SUPT3H: variants seen among roughly 807,000 people sequenced by gnomAD.
SUPT3H encodes the protein transcription initiation protein SPT3 homolog.
SUPT3H carries 44 observed loss-of-function variants against 44.3 expected under a neutral mutation model. The ratio of observed to expected loss-of-function variants is 0.99; its 90% confidence interval spans 0.78 to 1.28. The LOEUF (loss-of-function observed/expected upper bound fraction) is 1.28, where lower values mean the gene tolerates loss of function less well. Ranked by LOEUF, SUPT3H falls within the 50% of genes most tolerant of loss-of-function variation. The pLI, the probability that SUPT3H is intolerant of heterozygous loss-of-function variation, is 0.00. For synonymous variants in SUPT3H, 124 were observed against 125.6 expected, an observed-to-expected ratio of 0.99 and a Z score of 0.09; for missense variants, 380 against 387.1, an observed-to-expected ratio of 0.98 and a Z score of 0.15.
At chr6:45,251,277 G>A (rs774393363) in intron 2 of SUPT3H, 3 of 151,844 alleles carry the variant, frequency 2.0e-5, no homozygotes, top group African/African-American at 4.8e-5. Context: ...CATTATTCTC[G>A]GCTTTAGAAT....
intron 3 of SUPT3H, among the ~76,000 whole-genome samples, chr6:45,055,595 G>T (rs1790988378): frequency 6.6e-6 from 1 of 152,138 alleles, no homozygotes; most frequent in Non-Finnish European, 1.5e-5. Flanking sequence ...TCAACAAATG[G>T]TGCTGGGATA....
intron 2 of SUPT3H, among the ~76,000 whole-genome samples, chr6:45,285,417 G>A (rs1393021098): frequency 7.9e-5 from 12 of 152,220 alleles, no homozygotes; most frequent in East Asian, 1.9e-4. Flanking sequence ...AAATCAATGT[G>A]CAAAAATCAC....
At chr6:45,126,759 T>C (rs1802491176) in intron 2 of SUPT3H, among the ~76,000 whole-genome samples, 1 of 152,150 alleles carries the variant, frequency 6.6e-6, no homozygotes, top group Admixed American at 6.5e-5. Context: ...CAGGATAAAA[T>C]AGGTACTGTA....
At chr6:45,176,643 C>G (rs1178177880) in intron 2 of SUPT3H, among the ~76,000 whole-genome samples, 28 of 150,306 alleles carry the variant, frequency 1.9e-4, no homozygotes, top group South Asian at 1.5e-3. Flanking sequence ...AACAAAAAGA[C>G]AGCAGTAACC....
intron 10 of SUPT3H, among the ~76,000 whole-genome samples, chr6:44,877,102 T>C (rs1777434591): frequency 6.6e-6 from 1 of 152,206 alleles, no homozygotes; most frequent in Non-Finnish European, 1.5e-5. Context: ...TCTTTACTCC[T>C]TACAATATGC....
chr6:44,939,027 ACTT>A (rs1310108450), intron 9 of SUPT3H, among the ~76,000 whole-genome samples: 1 of 152,086 alleles, frequency 6.6e-6, no homozygotes, highest in South Asian at 2.1e-4. Context: ...GAATAATTTT[ACTT>A]CTTCTTTTCC....
At chr6:44,848,818 G>A (rs987932057) in intron 10 of SUPT3H, among the ~76,000 whole-genome samples, 3 of 152,136 alleles carry the variant, frequency 2.0e-5, no homozygotes, top group African/African-American at 7.2e-5. Flanking sequence ...TCTAAATTTC[G>A]TGGTTCAATG....
intron 2 of SUPT3H, among the ~76,000 whole-genome samples, chr6:45,230,682 A>ATTTTTT (rs201123504): frequency 5.4e-5 from 6 of 110,854 alleles, no homozygotes; most frequent in African/African-American, 2.2e-4. Flanking sequence ...ATATATATAT[A>ATTTTTT]TATATTTTTG....
chr6:45,088,185 T>C (rs1215008449), intron 3 of SUPT3H, among the ~76,000 whole-genome samples: 2 of 152,220 alleles, frequency 1.3e-5, no homozygotes, highest in Middle Eastern at 3.4e-3. Context: ...AACTCATGTT[T>C]AATAAATTAT....
chr6:45,331,019 A>C (rs1406374596), intron 2 of SUPT3H, among the ~76,000 whole-genome samples: 1 of 151,994 alleles, frequency 6.6e-6, no homozygotes, highest in Admixed American at 6.6e-5. Context: ...CAATTTTGTA[A>C]AATAGTTAAA....
At chr6:45,122,128 A>G (rs1032781136) in intron 2 of SUPT3H, among the ~76,000 whole-genome samples, 4 of 152,208 alleles carry the variant, frequency 2.6e-5, no homozygotes, top group Admixed American at 6.5e-5. Flanking sequence ...TCTATTTACC[A>G]TAACTATATT....
chr6:45,077,150 T>C (rs1583416195), intron 3 of SUPT3H, among the ~76,000 whole-genome samples: 1 of 152,184 alleles, frequency 6.6e-6, no homozygotes, highest in African/African-American at 2.4e-5. Context: ...CTCATTCTTT[T>C]AAGGAAGAAG....
intron 3 of SUPT3H, among the ~76,000 whole-genome samples, chr6:45,100,555 A>AAAAAAAAAAAAAAAAAAAAAC (rs1798422700): frequency 6.7e-6 from 1 of 149,012 alleles, no homozygotes; most frequent in African/African-American, 2.5e-5. Context: ...AAAAAAAAAA[A>AAAAAAAAAAAAAAAAAAAAAC]AAAAAAAAAG....
intron 2 of SUPT3H, among the ~76,000 whole-genome samples, chr6:45,121,527 G>T (rs537508141): frequency 2.6e-5 from 4 of 151,818 alleles, no homozygotes; most frequent in African/African-American, 7.3e-5. Context: ...GTGGGGGGGG[G>T]GGTGGATTAT....
At position 45,299,468 on chromosome 6, in the gene SUPT3H, T is replaced by C. The variant is rs373703851; in HGVS notation, c.101+65733A>G. Reference sequence around the variant, plus strand: ...AACTGAAGATTGAAGATTAGAGATTTTAATTCATATGCACACACAAAAATG... The same window carrying C: ...AACTGAAGATTGAAGATTAGAGATTCTAATTCATATGCACACACAAAAATG... On this transcript the variant is annotated intron_variant, in intron 2 of 10. Transcript: ENST00000371459. 3.0e-4 allele frequency among the ~76,000 whole-genome samples: 45 copies of C among 152,304 alleles called. 1 individual carries two copies. Among genetic ancestry groups the C allele is most frequent in the East Asian group, 1.3e-3 (7 of 5,188 alleles).
intron 6 of SUPT3H, among the ~76,000 whole-genome samples, chr6:44,976,163 G>A (rs1582855835): frequency 6.6e-6 from 1 of 151,954 alleles, no homozygotes; most frequent in South Asian, 2.1e-4. Flanking sequence ...TAAAACAAAA[G>A]GAAGAAAATT....
chr6:45,227,914 C>G (rs908102907), intron 2 of SUPT3H, among the ~76,000 whole-genome samples: 1 of 151,552 alleles, frequency 6.6e-6, no homozygotes, highest in African/African-American at 2.4e-5. Context: ...AAAAATAAAA[C>G]AAAATGAAAC....
Position 44,893,960 on chromosome 6 carries a change from C to T in SUPT3H, c.912+38693G>A, listed in dbSNP as rs1763712932. Among the ~76,000 whole-genome samples, 25 of 141,660 alleles carry T rather than the reference C, an allele frequency of 1.8e-4. No individual in the cohort carries two copies. The South Asian group carries it at 6.0e-3, about 34-fold the overall frequency. The allele number at this position is 141,660 out of a possible 152,430, so 92.9% of individuals were successfully genotyped here. A position where few individuals can be genotyped will look rare whatever the true frequency, so the allele number is the denominator to read the frequency against. ...CTCATTGTGGTTTTGATTTGCATTT[C>T]TCTGATGGCCAGTGATGGTGAGCAT... On this transcript the variant is annotated intron_variant, in intron 10 of 10. Transcript: ENST00000371459.
chr6:44,829,712 C>T lies in SUPT3H; in HGVS notation c.*104G>A. The T allele has an allele frequency of 7.4e-7, 1 of 1,348,364 alleles. No homozygotes were observed. Among genetic ancestry groups the T allele is most frequent in the South Asian group, 1.3e-5 (1 of 77,172 alleles). 83.5% of individuals were successfully genotyped at this position (1,348,364 alleles called of 1,614,324 possible). On this transcript the variant is annotated 3_prime_UTR_variant, in exon 11 of 11. Transcript: ENST00000371459. ...AAGTCACAACAGACCAGCCCACTCCCTCAGATAAAAGAAAGGTAAATTTGT... is the reference window on the plus strand; with the variant it reads ...AAGTCACAACAGACCAGCCCACTCCTTCAGATAAAAGAAAGGTAAATTTGT...
Sources: allele counts gnomAD v4.1 joint callset (sites outside exome capture counted in the v4.1 genomes callset), GRCh38; gene constraint gnomAD v4.1.1; transcripts MANE v1.5; gene names NCBI Gene and HGNC (gene_info 2026-07-23, HGNC 2026-07-21).